The following PLEKHH2 variants were observed in gnomAD, a reference collection of about 807,000 sequenced individuals.
PLEKHH2 encodes pleckstrin homology, MyTH4 and FERM domain containing H2.
Under a neutral mutation model 187.9 loss-of-function variants are expected in PLEKHH2, and 129 were observed. The ratio of observed to expected loss-of-function variants is 0.69; its 90% confidence interval spans 0.59 to 0.79. PLEKHH2 has a LOEUF of 0.79. Among genes scored for constraint, PLEKHH2 ranks in the 30% least tolerant of loss-of-function variants. The pLI is 0.00. For missense variants in PLEKHH2, 2,076 were observed against 1,751.2 expected (o/e 1.19, Z -3.31); for synonymous variants, 686 against 605.6 (o/e 1.13, Z -1.95).
chr2:43,703,269 T>G (rs929847665), intron 8 of PLEKHH2, among the ~76,000 whole-genome samples: 1 of 152,208 alleles, frequency 6.6e-6, no homozygotes, highest in Non-Finnish European at 1.5e-5. Context: ...TGGTCCCTTT[T>G]CTCAAGGGAG....
intron 25 of PLEKHH2, 62 bp from the exon 26 acceptor site, chr2:43,757,057 A>C: frequency 7.7e-7 from 1 of 1,292,672 alleles, no homozygotes. Flanking sequence ...AAATAAAACT[A>C]ACTGATTTTC....
At chr2:43,747,820 A>T (rs909319214) in intron 24 of PLEKHH2, among the ~76,000 whole-genome samples, 2 of 152,214 alleles carry the variant, frequency 1.3e-5, no homozygotes, top group Non-Finnish European at 2.9e-5. Context: ...AGATGTTCAG[A>T]CTTAAAATTG....
At chr2:43,697,408 C>A in intron 7 of PLEKHH2, 52 bp downstream of exon 7, 2 of 1,446,394 alleles carry the variant, frequency 1.4e-6, no homozygotes, top group Non-Finnish European at 1.9e-6. Context: ...AAGGAAGACT[C>A]ATTTGCTAAG....
intron 3 of PLEKHH2, among the ~76,000 whole-genome samples, chr2:43,685,018 C>G (rs370947287): frequency 6.6e-6 from 1 of 152,152 alleles, no homozygotes; most frequent in African/African-American, 2.4e-5. Flanking sequence ...CAGATGAATT[C>G]TCATGCACTG....
intron 23 of PLEKHH2, among the ~76,000 whole-genome samples, chr2:43,745,652 C>G: frequency 6.6e-6 from 1 of 152,122 alleles, no homozygotes; most frequent in Admixed American, 6.6e-5. Context: ...TGGCCACAGT[C>G]CAAAGTTAAT....
At chr2:43,637,857 C>A (rs1381319846) in intron 1 of PLEKHH2, among the ~76,000 whole-genome samples, 1 of 152,206 alleles carries the variant, frequency 6.6e-6, no homozygotes, top group Non-Finnish European at 1.5e-5. Flanking sequence ...ATTTTGTACA[C>A]CTCGAGTTGC....
chr2:43,740,195 T>A (rs1671495880), intron 20 of PLEKHH2, among the ~76,000 whole-genome samples: 1 of 152,178 alleles, frequency 6.6e-6, no homozygotes. Flanking sequence ...GCAAATGAGA[T>A]CTCTATCCTA....
intron 2 of PLEKHH2, among the ~76,000 whole-genome samples, chr2:43,652,223 T>A (rs545502671): frequency 6.6e-6 from 1 of 152,232 alleles, no homozygotes; most frequent in South Asian, 2.1e-4. Flanking sequence ...GGCAGATGGG[T>A]TTAAGAGAGA....
intron 16 of PLEKHH2, among the ~76,000 whole-genome samples, chr2:43,725,812 T>G (rs1670709177): frequency 6.6e-6 from 1 of 152,154 alleles, no homozygotes; most frequent in Non-Finnish European, 1.5e-5. Context: ...TAGGCATCAT[T>G]TTTAAAAAGG....
intron 6 of PLEKHH2, among the ~76,000 whole-genome samples, chr2:43,695,704 G>C (rs769794348): frequency 6.6e-6 from 1 of 152,120 alleles, no homozygotes; most frequent in Admixed American, 6.6e-5. Flanking sequence ...GAACACAGGG[G>C]ACTTTACCAC....
intron 28 of PLEKHH2, among the ~76,000 whole-genome samples, chr2:43,763,592 T>C (rs1672513088): frequency 1.3e-5 from 2 of 151,286 alleles, no homozygotes; most frequent in African/African-American, 4.9e-5. Flanking sequence ...GCTAATTTTT[T>C]TTTTTTTTTT....
intron 20 of PLEKHH2, 30 bp downstream of exon 20, chr2:43,738,550 C>A: frequency 2.0e-6 from 3 of 1,517,746 alleles, no homozygotes; most frequent in African/African-American, 1.5e-5. Flanking sequence ...CATATACATG[C>A]AATTTAAAGT....
At chr2:43,657,146 CAT>C (rs1666814624) in intron 2 of PLEKHH2, among the ~76,000 whole-genome samples, 1 of 152,190 alleles carries the variant, frequency 6.6e-6, no homozygotes, top group African/African-American at 2.4e-5. Context: ...TGGGATCACT[CAT>C]GTGACTGCAT....
chr2:43,700,703 A>G, intron 8 of PLEKHH2, 95 bp downstream of exon 8: 2 of 1,445,874 alleles, frequency 1.4e-6, no homozygotes, highest in Middle Eastern at 1.8e-4. Context: ...CCCAAGCTGG[A>G]GTGCAGTGGC....
intron 3 of PLEKHH2, among the ~76,000 whole-genome samples, chr2:43,691,087 A>T (rs146351626): frequency 1.4e-3 from 211 of 152,300 alleles, no homozygotes; most frequent in African/African-American, 4.9e-3. Flanking sequence ...AGCACCACTC[A>T]ACCTCCAGCC....
chr2:43,690,913 G>A lies in PLEKHH2; in HGVS notation c.187-1601G>A, dbSNP rs369830163. Among the ~76,000 whole-genome samples, 167 of 152,300 alleles carry A rather than the reference G, an allele frequency of 1.1e-3. 1 individual carries two copies. The highest frequency in any genetic ancestry group is 3.9e-3 in the African/African-American group (161 of 41,580). ...GAGAGAAAAGTGAGAACTAAAAGGT[G>A]GTGATAGGAAAATCTAAACTTTACT... On this transcript the variant is annotated intron_variant, in intron 3 of 29. Transcript: ENST00000282406.
At chr2:43,711,080 C>G in intron 14 of PLEKHH2, 17 of 986,324 alleles carry the variant, frequency 1.7e-5, no homozygotes, top group Non-Finnish European at 2.0e-5. Flanking sequence ...CAGCTGCTGC[C>G]CATTTTACTC....
intron 17 of PLEKHH2, among the ~76,000 whole-genome samples, chr2:43,727,229 A>G (rs1228130036): frequency 6.6e-6 from 1 of 152,112 alleles, no homozygotes; most frequent in African/African-American, 2.4e-5. Flanking sequence ...CTTGGCCAAC[A>G]TGGTGAAACT....
chr2:43,764,801 G>C (rs1360424374), intron 29 of PLEKHH2, among the ~76,000 whole-genome samples: 3 of 152,162 alleles, frequency 2.0e-5, no homozygotes, highest in Non-Finnish European at 4.4e-5. Context: ...AAACATACTT[G>C]CTCCTTTACG....
Sources: gnomAD v4.1 joint callset for allele counts (sites outside exome capture counted in the v4.1 genomes callset) on GRCh38, gnomAD v4.1.1 for gene constraint, MANE v1.5 for transcripts, NCBI Gene and HGNC (gene_info 2026-07-23, HGNC 2026-07-21) for gene names.